C8orf76: variants seen among roughly 807,000 people sequenced by gnomAD.
C8orf76 encodes uncharacterized protein C8orf76.
C8orf76 carries 46 observed loss-of-function variants against 38.1 expected under a neutral mutation model. That is an observed-to-expected ratio of 1.21 (90% CI 0.95 to 1.54). The LOEUF (loss-of-function observed/expected upper bound fraction) is 1.54. C8orf76 is among the 40% of genes most tolerant of loss of function. The pLI is 0.00. For missense variants in C8orf76, 461 were observed against 441.6 expected (o/e 1.04, Z -0.39); for synonymous variants, 166 against 167.5 (o/e 0.99, Z 0.07).
At chr8:123,228,716 G>C (rs1013970322) in intron 4 of C8orf76, among the ~76,000 whole-genome samples, 5 of 151,742 alleles carry the variant, frequency 3.3e-5, no homozygotes, top group African/African-American at 1.2e-4. Flanking sequence ...CAGGCCTTCG[G>C]CACAAAGACC....
At chr8:123,239,227 T>C (rs1825598045) in intron 1 of C8orf76, 83 bp from the exon 2 acceptor site, 1 of 1,426,630 alleles carries the variant, frequency 7.0e-7, no homozygotes. Context: ...ATAATATAAT[T>C]GATTAAACGT....
At chr8:123,221,909 CA>C (rs1337028826) in intron 5 of C8orf76, among the ~76,000 whole-genome samples, 1 of 151,772 alleles carries the variant, frequency 6.6e-6, no homozygotes, top group African/African-American at 2.4e-5. Flanking sequence ...ACCCCACCTC[CA>C]AAAAAAATTT....
intron 5 of C8orf76, chr8:123,226,160 G>C: frequency 2.8e-6 from 3 of 1,089,362 alleles, no homozygotes; most frequent in Non-Finnish European, 2.2e-6. Flanking sequence ...ATGATGAATG[G>C]AGGAAAAAAA....
At chr8:123,233,988 A>C (rs1586808351) in intron 3 of C8orf76, among the ~76,000 whole-genome samples, 1 of 151,514 alleles carries the variant, frequency 6.6e-6, no homozygotes, top group African/African-American at 2.4e-5. Flanking sequence ...AGATCATGCC[A>C]CTGCACTCCA....
At chr8:123,229,933 CT>C (rs1452010613) in intron 4 of C8orf76, among the ~76,000 whole-genome samples, 3 of 152,064 alleles carry the variant, frequency 2.0e-5, no homozygotes, top group Non-Finnish European at 4.4e-5. Context: ...AGGGGAATTG[CT>C]TGAACCTGGA....
chr8:123,223,585 G>C (rs570485614), intron 5 of C8orf76, among the ~76,000 whole-genome samples: 50 of 152,146 alleles, frequency 3.3e-4, no homozygotes, highest in Admixed American at 3.3e-4. Flanking sequence ...TCCTGCCTGG[G>C]TGACAGAGCA....
intron 3 of C8orf76, among the ~76,000 whole-genome samples, chr8:123,232,400 A>C (rs1825302894): frequency 6.6e-6 from 1 of 152,204 alleles, no homozygotes. Context: ...AATCTCCTTA[A>C]CCAGCGCCAA....
chr8:123,236,940 T>G lies in C8orf76; in HGVS notation c.357+858A>C, dbSNP rs556562285. On this transcript the variant is annotated intron_variant, in intron 3 of 5. Coordinates refer to ENST00000276704, the MANE Select transcript of C8orf76 (RefSeq NM_032847.3). ...GCCAAAATTCAGGACAAGGAGGGCA[T>G]CCCACCTGACCAGCAGCGTCTGATA... The G allele has an allele frequency of 2.3e-5, 35 of 1,496,368 alleles. 1 individual carries two copies. The East Asian group carries it at 6.8e-4, about 29-fold the overall frequency. The allele number at this position is 1,496,368 out of a possible 1,614,324, so 92.7% of individuals were successfully genotyped here. A position where few individuals can be genotyped will look rare whatever the true frequency, so the allele number is the denominator to read the frequency against.
At chr8:123,225,153 C>A (rs752101653) in intron 5 of C8orf76, among the ~76,000 whole-genome samples, 1 of 152,098 alleles carries the variant, frequency 6.6e-6, no homozygotes, top group African/African-American at 2.4e-5. Context: ...TTACAGGTGC[C>A]TGCCACCTCA....
chr8:123,230,343 TTAG>T (rs1825207114), intron 4 of C8orf76, among the ~76,000 whole-genome samples: 1 of 152,252 alleles, frequency 6.6e-6, no homozygotes, highest in African/African-American at 2.4e-5. Flanking sequence ...ATTTTCTTCT[TTAG>T]TAGATTTCTG....
chr8:123,240,908 C>G (rs1250359381), intron 1 of C8orf76, among the ~76,000 whole-genome samples: 1 of 152,208 alleles, frequency 6.6e-6, no homozygotes, highest in Non-Finnish European at 1.5e-5. Flanking sequence ...GACTGCCCAG[C>G]TGTAAGAGCA....
rs781518289 is a variant in C8orf76 at position 123,220,055 on chromosome 8, A to G, written c.*48T>C. ...TGGATCCTGTCTGAAGTAAACAAGG[A>G]CAATTAATACAGTACAAGATATTTG... On this transcript the variant is annotated 3_prime_UTR_variant, in exon 6 of 6. Transcript: ENST00000276704. The G allele has an allele frequency of 9.1e-7, 1 of 1,102,312 alleles. No individual in the cohort carries two copies. The highest frequency in any genetic ancestry group is 1.3e-6 in the Non-Finnish European group (1 of 782,760). The allele number at this position is 1,102,312 out of a possible 1,614,324, so 68.3% of individuals were successfully genotyped here.
intron 3 of C8orf76, among the ~76,000 whole-genome samples, chr8:123,237,336 T>C (rs747033531): frequency 1.3e-5 from 2 of 152,044 alleles, no homozygotes; most frequent in African/African-American, 4.8e-5. Context: ...GAAAAAAAAA[T>C]TCTGCAAATT....
chr8:123,233,754 C>G (rs1005160277), intron 3 of C8orf76, among the ~76,000 whole-genome samples: 17 of 150,804 alleles, frequency 1.1e-4, no homozygotes, highest in African/African-American at 4.1e-4. Flanking sequence ...TTAGGCCGGG[C>G]GTGGTGGCTC....
rs374725759 is a variant in C8orf76 at position 123,231,763 on chromosome 8, G to A, written c.358-6C>T. ...GTGTTGGTTGCTTTATTTTCCTAAG[G>A]AGAAAAAAAAAAGGTTAAGAAGTTT... On this transcript the variant is annotated splice_region_variant and splice_polypyrimidine_tract_variant and intron_variant, in intron 3 of 5. Transcript: ENST00000276704. The A allele has an allele frequency of 7.4e-4, 1,141 of 1,539,300 alleles. 3 individuals are homozygous for A. The highest frequency in any genetic ancestry group is 8.5e-4 in the Non-Finnish European group (978 of 1,153,802).
intron 5 of C8orf76, among the ~76,000 whole-genome samples, chr8:123,223,722 TG>T (rs1372004610): frequency 6.6e-6 from 1 of 152,146 alleles, no homozygotes; most frequent in Non-Finnish European, 1.5e-5. Context: ...CATCAAAAGA[TG>T]AGTAGATAAA....
chr8:123,226,052 C>A, intron 5 of C8orf76: 1 of 616,216 alleles, frequency 1.6e-6, no homozygotes, highest in Non-Finnish European at 2.0e-6. Flanking sequence ...CTGGCAAACA[C>A]AAGCTCCAGA....
intron 5 of C8orf76, among the ~76,000 whole-genome samples, chr8:123,225,705 T>C (rs1391829816): frequency 2.6e-5 from 4 of 152,120 alleles, no homozygotes; most frequent in African/African-American, 4.8e-5. Flanking sequence ...GGTGGGTAGA[T>C]TGCTTGAGGC....
In C8orf76 at chr8:123,226,556, C is replaced by T. The variant is rs1825050346; in HGVS notation, c.892G>A (p.Glu298Lys). 1 of 1,613,506 alleles carries T rather than the reference C, an allele frequency of 6.2e-7. No individual in the cohort carries two copies. Among genetic ancestry groups the T allele is most frequent in the Non-Finnish European group, 8.5e-7 (1 of 1,179,928 alleles). Residue 298 changes from glutamate (E) to lysine (K), a missense_variant, in exon 5 of 6, where the codon GAA (glutamate) becomes AAA (lysine). Coordinates refer to ENST00000276704, the MANE Select transcript of C8orf76 (RefSeq NM_032847.3). ...AAGCTGAACCCTTTCATTTTATCTT[C>T]AATTTCCTGCTGAGTCCTTAAGTTC... is the stretch of plus-strand genomic sequence containing the variant. The part of the protein sequence containing the change: ...ERNLRTQQEI[E>K]DKMKGFSFKE...
Sources: allele counts gnomAD v4.1 joint callset (sites outside exome capture counted in the v4.1 genomes callset), GRCh38; gene constraint gnomAD v4.1.1; transcripts MANE v1.5; gene names NCBI Gene and HGNC (gene_info 2026-07-23, HGNC 2026-07-21).